LRRC4C: variants seen among roughly 807,000 people sequenced by gnomAD.
LRRC4C encodes leucine rich repeat containing 4C.
LRRC4C carries 5 observed loss-of-function variants against 33.6 expected under a neutral mutation model. The ratio of observed to expected loss-of-function variants is 0.15; its 90% CI spans 0.08 to 0.31. The LOEUF (loss-of-function observed/expected upper bound fraction) is 0.31, where lower values mean the gene tolerates loss of function less well. Among genes scored for constraint, LRRC4C ranks in the 10% least tolerant of loss-of-function variants. The pLI, the probability that LRRC4C is intolerant of heterozygous loss-of-function variation, is 1.00. For missense variants in LRRC4C, 560 were observed against 796.7 expected, an observed-to-expected ratio of 0.70 and a Z score of 3.58; for synonymous variants, 329 against 302.0, an observed-to-expected ratio of 1.09 and a Z score of -0.93.
At chr11:40,603,476 A>G (rs912457144) in intron 3 of LRRC4C, among the ~76,000 whole-genome samples, 5 of 152,228 alleles carry the variant, frequency 3.3e-5, no homozygotes, top group Non-Finnish European at 5.9e-5. Flanking sequence ...ATGCTAATAT[A>G]GAAAATCCGA....
At chr11:40,570,016 C>T (rs923529060) in intron 3 of LRRC4C, among the ~76,000 whole-genome samples, 2 of 151,578 alleles carry the variant, frequency 1.3e-5, no homozygotes, top group Admixed American at 1.3e-4. Context: ...TATATATTTA[C>T]ACATATGTAA....
rs143891571 is a variant in LRRC4C at position 41,203,032 on chromosome 11, C to T, written c.-496+256399G>A. Reference sequence around the variant, plus strand: ...AACTCCTGACCTCAGGTGATCCACCCGCCTCAGCCTCCCAAGGTGCTGGGA... The same window carrying T: ...AACTCCTGACCTCAGGTGATCCACCTGCCTCAGCCTCCCAAGGTGCTGGGA... On this transcript the variant is annotated intron_variant, in intron 1 of 6. Transcript: ENST00000528697. Among the ~76,000 whole-genome samples, 949 of 152,236 alleles carry T rather than the reference C, an allele frequency of 6.2e-3. 13 individuals carry two copies. The highest frequency in any genetic ancestry group is 0.021 in the African/African-American group (867 of 41,532).
chr11:40,589,990 C>T (rs1413314294), intron 3 of LRRC4C, among the ~76,000 whole-genome samples: 54 of 151,474 alleles, frequency 3.6e-4, no homozygotes, highest in Non-Finnish European at 6.5e-4. Flanking sequence ...ATCTTTGTAG[C>T]GTTCTCTGTA....
At chr11:40,824,744 G>A (rs1952085649) in intron 2 of LRRC4C, among the ~76,000 whole-genome samples, 2 of 152,064 alleles carry the variant, frequency 1.3e-5, no homozygotes, top group South Asian at 4.1e-4. Flanking sequence ...GAGACCCAGA[G>A]TAAAATTGCC....
At position 40,359,745 on chromosome 11, in the gene LRRC4C, C is replaced by A. The variant is rs147895116; in HGVS notation, c.-269-40024G>T. On this transcript the variant is annotated intron_variant, in intron 3 of 6. Transcript: ENST00000528697. ...AAAAGCTGTAAACAGTCAGAATCAACCCAATCTGAATAGCCTCATCTTTCC... is the reference window on the plus strand; with the variant it reads ...AAAAGCTGTAAACAGTCAGAATCAAACCAATCTGAATAGCCTCATCTTTCC... 5.2e-3 allele frequency among the ~76,000 whole-genome samples: 786 copies of A among 152,270 alleles called. 3 individuals carry two copies. The highest frequency in any genetic ancestry group is 6.4e-3 in the Non-Finnish European group (434 of 68,026).
chr11:41,199,321 A>G (rs1235152296), intron 1 of LRRC4C, among the ~76,000 whole-genome samples: 1 of 152,078 alleles, frequency 6.6e-6, no homozygotes, highest in Non-Finnish European at 1.5e-5. Context: ...TATAGCTCCA[A>G]GCATCCCATC....
intron 2 of LRRC4C, among the ~76,000 whole-genome samples, chr11:40,895,075 C>T (rs571149363): frequency 1.0e-3 from 155 of 152,046 alleles, no homozygotes; most frequent in Middle Eastern, 6.9e-3. Flanking sequence ...ATTGGTCACT[C>T]TTGTTACCCT....
chr11:40,706,838 C>T lies in LRRC4C; in HGVS notation c.-406-58560G>A, dbSNP rs150132529. ...TCACGATATTGATTCTTCCTATCCACGAGCATGGAATGTTCTTCCATTTGT... is the reference window on the plus strand; with the variant it reads ...TCACGATATTGATTCTTCCTATCCATGAGCATGGAATGTTCTTCCATTTGT... On this transcript the variant is annotated intron_variant, in intron 2 of 6. Coordinates refer to ENST00000528697, the MANE Select transcript of LRRC4C (RefSeq NM_001258419.2). 1.9e-3 allele frequency among the ~76,000 whole-genome samples: 284 copies of T among 152,212 alleles called. 1 individual carries two copies. Among genetic ancestry groups the T allele is most frequent in the African/African-American group, 6.4e-3 (267 of 41,548 alleles).
intron 3 of LRRC4C, among the ~76,000 whole-genome samples, chr11:40,587,375 G>A (rs1285761924): frequency 6.9e-6 from 1 of 145,816 alleles, no homozygotes; most frequent in African/African-American, 2.6e-5. Flanking sequence ...GAGATTTTGG[G>A]CTGAGACAAT....
chr11:40,707,469 A>C (rs1946227247), intron 2 of LRRC4C, among the ~76,000 whole-genome samples: 1 of 152,138 alleles, frequency 6.6e-6, no homozygotes, highest in African/African-American at 2.4e-5. Flanking sequence ...TGAGATAATC[A>C]TGTGGTTTTT....
At chr11:40,567,612 A>G (rs1957816889) in intron 3 of LRRC4C, among the ~76,000 whole-genome samples, 1 of 152,164 alleles carries the variant, frequency 6.6e-6, no homozygotes, top group South Asian at 2.1e-4. Flanking sequence ...ACTCCTTATA[A>G]TGCTCTCCAG....
At chr11:40,210,591 C>T (rs1863521930) in intron 5 of LRRC4C, among the ~76,000 whole-genome samples, 1 of 152,112 alleles carries the variant, frequency 6.6e-6, no homozygotes, top group African/African-American at 2.4e-5. Context: ...GCTCTGATCC[C>T]TGCATCTATT....
intron 3 of LRRC4C, among the ~76,000 whole-genome samples, chr11:40,633,621 T>A (rs1963708945): frequency 6.6e-6 from 1 of 151,980 alleles, no homozygotes; most frequent in African/African-American, 2.4e-5. Flanking sequence ...ACTCCTGACC[T>A]CAGGTGATCC....
intron 3 of LRRC4C, among the ~76,000 whole-genome samples, chr11:40,605,906 C>T (rs995354720): frequency 6.6e-6 from 1 of 152,126 alleles, no homozygotes; most frequent in Admixed American, 6.6e-5. Flanking sequence ...TTTTGAGGGG[C>T]TGCACTAGAA....
chr11:40,575,860 A>G (rs1958170282), intron 3 of LRRC4C, among the ~76,000 whole-genome samples: 2 of 152,170 alleles, frequency 1.3e-5, no homozygotes, highest in African/African-American at 2.4e-5. Flanking sequence ...TCACACAGGA[A>G]TGGGTTGTGT....
intron 4 of LRRC4C, among the ~76,000 whole-genome samples, chr11:40,301,837 G>A (rs1363835503): frequency 5.3e-5 from 8 of 152,178 alleles, no homozygotes; most frequent in Non-Finnish European, 1.0e-4. Context: ...ATTTTTAAAT[G>A]TCCAGGTCTC....
intron 4 of LRRC4C, among the ~76,000 whole-genome samples, chr11:40,243,227 C>T (rs750095935): frequency 5.0e-4 from 76 of 152,098 alleles, no homozygotes; most frequent in Non-Finnish European, 9.7e-4. Flanking sequence ...TAAATTTCTA[C>T]ACTATAATTA....
At chr11:41,424,539 T>G (rs1040919428) in intron 1 of LRRC4C, among the ~76,000 whole-genome samples, 2 of 151,936 alleles carry the variant, frequency 1.3e-5, no homozygotes, top group Non-Finnish European at 2.9e-5. Flanking sequence ...GTGGCTAAAT[T>G]GGGGGTTGAG....
intron 6 of LRRC4C, among the ~76,000 whole-genome samples, chr11:40,121,000 TACTG>T (rs1203682744): frequency 6.6e-6 from 1 of 152,188 alleles, no homozygotes; most frequent in South Asian, 2.1e-4. Context: ...TATGTAAAGT[TACTG>T]ACTCATAAGA....
Sources: gnomAD v4.1 joint callset for allele counts (sites outside exome capture counted in the v4.1 genomes callset) on GRCh38, gnomAD v4.1.1 for gene constraint, MANE v1.5 for transcripts, NCBI Gene and HGNC (gene_info 2026-07-23, HGNC 2026-07-21) for gene names.